Variants in COQ8B observed in about 807,000 individuals in gnomAD.
COQ8B encodes the protein coenzyme Q8B.
A neutral mutation model predicts 62.0 loss-of-function variants in COQ8B; 44 were observed. The ratio of observed to expected loss-of-function variants is 0.71; its 90% CI spans 0.56 to 0.91. COQ8B has a LOEUF of 0.91. COQ8B is among the 40% of genes least tolerant of loss of function. The probability of loss-of-function intolerance (pLI) is 0.00; values close to 1 mark genes in which losing one functional copy is unlikely to be tolerated. For missense variants in COQ8B, 649 were observed against 731.6 expected (o/e 0.89, Z 1.30); for synonymous variants, 252 against 289.9 (o/e 0.87, Z 1.33).
At chr19:40,702,564 G>A (rs770557749) in intron 10 of COQ8B, 36 bp downstream of exon 10, 1 of 1,604,622 alleles carries the variant, frequency 6.2e-7, no homozygotes, top group African/African-American at 1.3e-5. Context: ...AGCCTGGGAG[G>A]GAGGGAAGGA....
chr19:40,714,909 C>T, intron 1 of COQ8B: 1 of 1,239,794 alleles, frequency 8.1e-7, no homozygotes, highest in Non-Finnish European at 1.0e-6. Flanking sequence ...TCCTCAGGGG[C>T]TACCTCTCCA....
chr19:40,707,418 A>G (rs1011052839), intron 5 of COQ8B, among the ~76,000 whole-genome samples: 2 of 151,624 alleles, frequency 1.3e-5, no homozygotes, highest in Non-Finnish European at 2.9e-5. Context: ...GAATCATTCA[A>G]TATGTGGTTT....
At chr19:40,705,741 A>C (rs2082095903) in intron 5 of COQ8B, among the ~76,000 whole-genome samples, 1 of 152,198 alleles carries the variant, frequency 6.6e-6, no homozygotes, top group Non-Finnish European at 1.5e-5. Flanking sequence ...AAGGAGTTCC[A>C]GACCAGCCTG....
At chr19:40,693,162 C>A in intron 13 of COQ8B, 125 bp from the exon 14 acceptor site, 1 of 741,224 alleles carries the variant, frequency 1.3e-6, no homozygotes, top group Admixed American at 2.6e-5. Context: ...GGCCCTCCCT[C>A]ACCTGGAAGC....
intron 7 of COQ8B, chr19:40,704,147 C>CTT: frequency 1.1e-5 from 3 of 268,892 alleles, no homozygotes; most frequent in Non-Finnish European, 2.1e-5. Context: ...TCATAACAAT[C>CTT]CTTTTTTTTT....
At chr19:40,708,314 C>T (rs1479601064) in intron 5 of COQ8B, among the ~76,000 whole-genome samples, 7 of 151,974 alleles carry the variant, frequency 4.6e-5, no homozygotes, top group African/African-American at 1.7e-4. Context: ...CTCACCACTG[C>T]ACTCTAGCCT....
At chr19:40,710,823 G>A (rs962555125) in intron 4 of COQ8B, among the ~76,000 whole-genome samples, 4 of 152,164 alleles carry the variant, frequency 2.6e-5, no homozygotes, top group African/African-American at 9.7e-5. Flanking sequence ...TAATTCTAAT[G>A]TGCGATCAAG....
intron 5 of COQ8B, among the ~76,000 whole-genome samples, chr19:40,705,710 T>G (rs2082095750): frequency 6.6e-6 from 1 of 152,018 alleles, no homozygotes; most frequent in Non-Finnish European, 1.5e-5. Context: ...GGGAGGTCAA[T>G]GCAGGAGGAT....
At chr19:40,714,880 G>C in intron 1 of COQ8B, 7 of 1,291,782 alleles carry the variant, frequency 5.4e-6, no homozygotes, top group Non-Finnish European at 6.9e-6. Flanking sequence ...GTCCGCCCCC[G>C]TTACTAGACA....
chr19:40,696,081 T>G (rs777757961), intron 12 of COQ8B, 27 bp from the exon 13 acceptor site: 1 of 1,611,996 alleles, frequency 6.2e-7, no homozygotes, highest in South Asian at 1.1e-5. Context: ...GTGAAAGGAA[T>G]GCTGGGATCC....
intron 5 of COQ8B, 23 bp downstream of exon 5, chr19:40,710,036 C>G: frequency 6.2e-7 from 1 of 1,612,516 alleles, no homozygotes; most frequent in East Asian, 2.2e-5. Context: ...AGGATCTGAA[C>G]CCAGGCAGTG....
At chr19:40,700,896 G>A (rs571818679) in intron 10 of COQ8B, 1 of 167,384 alleles carries the variant, frequency 6.0e-6, no homozygotes, top group Admixed American at 5.7e-5. Flanking sequence ...CTGAACACAG[G>A]TAAATAGCGG....
chr19:40,693,143 A>G, intron 13 of COQ8B, 106 bp from the exon 14 acceptor site: 1 of 927,488 alleles, frequency 1.1e-6, no homozygotes, highest in Non-Finnish European at 1.7e-6. Context: ...CTCCATTCTC[A>G]TCTGCCTGGG....
rs1299322121 is a variant in COQ8B at position 40,707,257 on chromosome 19, A to C, written c.368-1810T>G. ...GCACTCCAGCCTGGGTGACAGAGTG[A>C]GACCTTGTCTCAAAAAAAGAAAAAA... On this transcript the variant is annotated intron_variant, in intron 5 of 14. Transcript: ENST00000324464. 8.6e-5 allele frequency among the ~76,000 whole-genome samples: 13 copies of C among 151,776 alleles called. No homozygotes were observed. In the East Asian group the frequency reaches 2.3e-3, roughly 27 times the overall value.
intron 10 of COQ8B, among the ~76,000 whole-genome samples, chr19:40,701,870 C>G (rs758761621): frequency 6.6e-6 from 1 of 152,150 alleles, no homozygotes; most frequent in Non-Finnish European, 1.5e-5. Flanking sequence ...TGTGGAGGAC[C>G]CCACTGAGGT....
At chr19:40,698,032 A>G (rs923881326) in intron 12 of COQ8B, among the ~76,000 whole-genome samples, 10 of 150,632 alleles carry the variant, frequency 6.6e-5, no homozygotes, top group African/African-American at 2.4e-4. Flanking sequence ...CCTGGCCAAC[A>G]TGGTGAAACC....
In COQ8B at chr19:40,696,025, C is replaced by A. The variant is rs1282586105; in HGVS notation, c.1173G>T (p.Arg391=). ...GGTCTGTGAACTCTGTCCCAAACTCCCGGCTTGCACCAAAGTCCAGCAGGG... is the reference window on the plus strand; with the variant it reads ...GGTCTGTGAACTCTGTCCCAAACTCACGGCTTGCACCAAAGTCCAGCAGGG... The part of the protein sequence containing the change: ...QVTLLDFGAS[R]EFGTEFTDHY... Residue 391 remains arginine, a synonymous_variant, in exon 13 of 15, where the codon CGG becomes CGT. Transcript: ENST00000324464. 8 of 1,614,128 alleles carry A rather than the reference C, an allele frequency of 5.0e-6. No individual in the cohort carries two copies. Among genetic ancestry groups the A allele is most frequent in the Non-Finnish European group, 6.8e-6 (8 of 1,180,010 alleles).
intron 4 of COQ8B, among the ~76,000 whole-genome samples, chr19:40,712,930 A>G (rs1599639929): frequency 6.6e-6 from 1 of 152,318 alleles, no homozygotes; most frequent in East Asian, 1.9e-4. Context: ...AAATGTTATT[A>G]TGGCCAGGAG....
chr19:40,709,372 ATTGACTTG>A (rs2082123635), intron 5 of COQ8B, among the ~76,000 whole-genome samples: 1 of 152,182 alleles, frequency 6.6e-6, no homozygotes, highest in Non-Finnish European at 1.5e-5. Context: ...GTTTCAAGAC[ATTGACTTG>A]TTGAGGGAAC....
Sources: gnomAD v4.1 joint callset for allele counts (sites outside exome capture counted in the v4.1 genomes callset) on GRCh38, gnomAD v4.1.1 for gene constraint, MANE v1.5 for transcripts, NCBI Gene and HGNC (gene_info 2026-07-23, HGNC 2026-07-21) for gene names.